Variants in ANKS1A observed in about 807,000 individuals in gnomAD.
ANKS1A encodes ankyrin repeat and sterile alpha motif domain containing 1A.
In ANKS1A, 55 loss-of-function variants were observed where a neutral mutation model predicts 120.3. That is an observed-to-expected ratio of 0.46 (90% confidence interval 0.37 to 0.57). The LOEUF (loss-of-function observed/expected upper bound fraction) is 0.57. ANKS1A is among the 20% of genes least tolerant of loss of function. The pLI is 0.00. For synonymous variants in ANKS1A, 590 were observed against 604.7 expected (o/e 0.98, Z 0.36); for missense variants, 1,123 against 1,480.3 (o/e 0.76, Z 3.96).
In ANKS1A at chr6:34,983,318, A is replaced by G. The variant is rs1250586389; in HGVS notation, c.911-6A>G. 6.2e-7 allele frequency: 1 copy of G among 1,613,658 alleles called. No individual in the cohort carries two copies. The highest frequency in any genetic ancestry group is 8.5e-7 in the Non-Finnish European group (1 of 1,179,730). ...TTTATTTTTATTTTTTGATCTTTCC[A>G]TGTAGATCACATGACTGGAAAAAGA... On this transcript the variant is annotated splice_region_variant and splice_polypyrimidine_tract_variant and intron_variant, in intron 6 of 23. Transcript: ENST00000360359.
At chr6:34,914,960 C>T (rs1768085036) in intron 1 of ANKS1A, among the ~76,000 whole-genome samples, 1 of 152,126 alleles carries the variant, frequency 6.6e-6, no homozygotes, top group Admixed American at 6.5e-5. Context: ...GACTTTGAGG[C>T]CTTGCCAAAC....
chr6:34,919,712 T>G (rs1315553312), intron 1 of ANKS1A, among the ~76,000 whole-genome samples: 1 of 152,194 alleles, frequency 6.6e-6, no homozygotes, highest in Non-Finnish European at 1.5e-5. Flanking sequence ...TTTAAAATGG[T>G]GGTAATGATA....
intron 1 of ANKS1A, among the ~76,000 whole-genome samples, chr6:34,898,945 A>G (rs915107774): frequency 6.6e-6 from 1 of 152,202 alleles, no homozygotes; most frequent in African/African-American, 2.4e-5. Context: ...CAGCTCTGTG[A>G]TGAACATGCA....
At chr6:35,074,502 C>T (rs1777245898) in intron 13 of ANKS1A, among the ~76,000 whole-genome samples, 1 of 151,854 alleles carries the variant, frequency 6.6e-6, no homozygotes, top group Non-Finnish European at 1.5e-5. Context: ...GAGGCTGAGG[C>T]AGGAGGATCA....
chr6:34,889,539 G>A lies in ANKS1A; in HGVS notation c.137G>A (p.Gly46Asp), dbSNP rs1164060505. The stretch of plus-strand genomic sequence containing the variant: ...GGTGGCTCTGGGGGCGGCGGCGGCG[G>A]CAGCGGCGGCGGCGGCGGCGGCCTC... ...GGGGSGGGGG[G>D]SGGGGGGLGS... Residue 46 changes from glycine to aspartate, a missense_variant, in exon 1 of 24, where the codon GGC (glycine) becomes GAC (aspartate). Gly to Asp is a moderately conservative substitution (Grantham distance 94). Around this residue, in one of 3 missense-constraint regions of ANKS1A, gnomAD observed 73 missense variants for 82.2 expected, o/e 0.89. Transcript: ENST00000360359. This position sits in a 1 kb window ranked among gnomAD's most constrained non-coding sequence, Gnocchi z 5.5. 1.6e-6 allele frequency: 2 copies of A among 1,270,478 alleles called. No homozygotes were observed. The highest frequency in any genetic ancestry group is 2.0e-6 in the Non-Finnish European group (2 of 1,018,020). The allele number at this position is 1,270,478 out of a possible 1,614,324, so 78.7% of individuals were successfully genotyped here.
At position 35,085,083 on chromosome 6, in the gene ANKS1A, CTGTT is replaced by C. The variant is rs1416768380; in HGVS notation, c.3133-680_3133-677del. ...CTGGGACCTCATCCACCCCAGTCCT[CTGTT>C]TGCTCTGGGCCAGTGAAGGTTAGGA... On this transcript the variant is annotated intron_variant, in intron 21 of 23. Coordinates refer to ENST00000360359, the MANE Select transcript of ANKS1A (RefSeq NM_015245.3). This position sits in a 1 kb window ranked among gnomAD's most constrained non-coding sequence, Gnocchi z 4.7. Among the ~76,000 whole-genome samples, 2 of 152,304 alleles carry C rather than the reference CTGTT, an allele frequency of 1.3e-5. No individual in the cohort carries two copies. The highest frequency in any genetic ancestry group is 3.9e-4 in the East Asian group (2 of 5,172).
intron 1 of ANKS1A, among the ~76,000 whole-genome samples, chr6:34,918,883 G>A (rs558977262): frequency 1.3e-5 from 2 of 151,986 alleles, no homozygotes; most frequent in South Asian, 4.2e-4. Context: ...ACAGGGTCTC[G>A]CTCTGTCACC....
chr6:35,063,248 A>G (rs1273740142), intron 13 of ANKS1A, among the ~76,000 whole-genome samples: 1 of 152,264 alleles, frequency 6.6e-6, no homozygotes, highest in Non-Finnish European at 1.5e-5. Context: ...CTGCACCTGC[A>G]TCGTAGCTGG....
Position 34,982,954 on chromosome 6 carries a change from T to C in ANKS1A, c.808+127T>C. 7.8e-7 allele frequency: 1 copy of C among 1,289,144 alleles called. No homozygotes were observed. The highest frequency in any genetic ancestry group is 1.5e-5 in the African/African-American group (1 of 68,544). 79.9% of individuals were successfully genotyped at this position (1,289,144 alleles called of 1,614,324 possible). A position where few individuals can be genotyped will look rare whatever the true frequency, so the allele number is the denominator to read the frequency against. On this transcript the variant is annotated intron_variant, in intron 5 of 23. Coordinates refer to ENST00000360359, the MANE Select transcript of ANKS1A (RefSeq NM_015245.3). This position sits in a 1 kb window ranked among gnomAD's most constrained non-coding sequence, Gnocchi z 4.9. ...TGTATGTGTATCTCCACTGGTTGAT[T>C]ACAAGTGTGTAAACTGTTCTTGAAT...
chr6:35,045,887 A>G (rs1775697787), intron 11 of ANKS1A, among the ~76,000 whole-genome samples: 1 of 152,172 alleles, frequency 6.6e-6, no homozygotes, highest in Non-Finnish European at 1.5e-5. Context: ...ACATTGTTGA[A>G]CAAAAGTGCT....
At position 35,083,924 on chromosome 6, in the gene ANKS1A, T is replaced by C. The variant is rs149288439; in HGVS notation, c.2995-197T>C. The stretch of plus-strand genomic sequence containing the variant: ...GTGAACATTTTACTGCCTTAGTTGT[T>C]GTGGTAAGGGGTGGAGACCCCAAAC... On this transcript the variant is annotated intron_variant, in intron 20 of 23. Coordinates refer to ENST00000360359, the MANE Select transcript of ANKS1A (RefSeq NM_015245.3). Among the ~76,000 whole-genome samples the C allele has an allele frequency of 1.6e-4, 25 of 152,266 alleles. No individual in the cohort carries two copies. The South Asian group carries it at 4.8e-3, about 29-fold the overall frequency.
chr6:34,892,602 G>A (rs909118058), intron 1 of ANKS1A, among the ~76,000 whole-genome samples: 5 of 152,188 alleles, frequency 3.3e-5, no homozygotes, highest in Admixed American at 1.3e-4. Context: ...ATTCCACAAA[G>A]GCTTTGTGTT....
At position 34,889,903 on chromosome 6, in the gene ANKS1A, T is replaced by C. The variant is rs1174316957; in HGVS notation, c.197+304T>C. Among the ~76,000 whole-genome samples, 1 of 152,066 alleles carries C rather than the reference T, an allele frequency of 6.6e-6. No individual in the cohort carries two copies. Among genetic ancestry groups the C allele is most frequent in the East Asian group, 1.9e-4 (1 of 5,180 alleles). ...CTCTCGCTCGCTACAGGGTGCCAGC[T>C]ATCGTAGCTCACAAAAGCCAATTAA... On this transcript the variant is annotated intron_variant, in intron 1 of 23. Transcript: ENST00000360359. This position sits in a 1 kb window ranked among gnomAD's most constrained non-coding sequence, Gnocchi z 5.5.
At chr6:34,997,236 G>T (rs567455168) in intron 10 of ANKS1A, among the ~76,000 whole-genome samples, 7 of 130,016 alleles carry the variant, frequency 5.4e-5, no homozygotes, top group African/African-American at 1.5e-4. Flanking sequence ...TTGCTCTGTT[G>T]CCCAGGCTGG....
chr6:35,086,073 C>T lies in ANKS1A; in HGVS notation c.3303+137C>T. 7 of 1,324,524 alleles carry T rather than the reference C, an allele frequency of 5.3e-6. No individual in the cohort carries two copies. Among genetic ancestry groups the T allele is most frequent in the Non-Finnish European group, 7.0e-6 (7 of 995,226 alleles). 82.0% of individuals were successfully genotyped at this position (1,324,524 alleles called of 1,614,324 possible). A position where few individuals can be genotyped will look rare whatever the true frequency, so the allele number is the denominator to read the frequency against. ...CAGGGAAATGACCCTCTTAATTGTCCCCCAACCCTGCCAGGTCTCGCCCCT... is the reference window on the plus strand; with the variant it reads ...CAGGGAAATGACCCTCTTAATTGTCTCCCAACCCTGCCAGGTCTCGCCCCT... On this transcript the variant is annotated intron_variant, in intron 22 of 23. Coordinates refer to ENST00000360359, the MANE Select transcript of ANKS1A (RefSeq NM_015245.3). This position sits in a 1 kb window ranked among gnomAD's most constrained non-coding sequence, Gnocchi z 5.1.
At position 35,089,246 on chromosome 6, in the gene ANKS1A, T is replaced by C; in HGVS notation, c.*637T>C. On this transcript the variant is annotated 3_prime_UTR_variant, in exon 24 of 24. Coordinates refer to ENST00000360359, the MANE Select transcript of ANKS1A (RefSeq NM_015245.3). ...GTAAGAACACAGCCTTAGAGGCACC[T>C]GAGCAACTCAAAGGTTTCCGGTCCA... The C allele has an allele frequency of 1.0e-6, 1 of 988,416 alleles. No homozygotes were observed. Among genetic ancestry groups the C allele is most frequent in the Non-Finnish European group, 1.2e-6 (1 of 831,638 alleles). 61.2% of individuals were successfully genotyped at this position (988,416 alleles called of 1,614,324 possible).
At chr6:34,935,701 T>TGTTCAGCTGCCAGCTGCATAAGGA (rs1408369014) in intron 1 of ANKS1A, among the ~76,000 whole-genome samples, 1 of 152,214 alleles carries the variant, frequency 6.6e-6, no homozygotes, top group Non-Finnish European at 1.5e-5. Flanking sequence ...GTACTTAACG[T>TGTTCAGCTGCCAGCTGCATAAGGA]GTTCAGCTGC....
intron 1 of ANKS1A, among the ~76,000 whole-genome samples, chr6:34,903,173 G>A (rs1490612014): frequency 2.0e-5 from 3 of 152,098 alleles, no homozygotes; most frequent in African/African-American, 4.8e-5. Flanking sequence ...TGTGTGGGGC[G>A]TTCCCACTGT....
downstream of ANKS1A, among the ~76,000 whole-genome samples, chr6:35,095,409 G>A (rs545530092): frequency 2.0e-5 from 3 of 151,770 alleles, no homozygotes; most frequent in African/African-American, 7.2e-5. Context: ...CCCAAAAAAT[G>A]AGCCAGACAT....
Sources: allele counts gnomAD v4.1 joint callset (sites outside exome capture counted in the v4.1 genomes callset), GRCh38; gene constraint gnomAD v4.1.1; regional missense constraint gnomAD v4.1.1; non-coding constraint Gnocchi (gnomAD v3.1); transcripts MANE v1.5; gene names NCBI Gene and HGNC (gene_info 2026-07-23, HGNC 2026-07-21).